Variants in HUS1 observed in about 807,000 individuals in gnomAD.
The protein encoded by HUS1 is HUS1 checkpoint clamp component.
HUS1 carries 31 observed loss-of-function variants against 32.6 expected under a neutral mutation model. That is an observed-to-expected ratio of 0.95 (90% CI 0.72 to 1.28). The LOEUF (loss-of-function observed/expected upper bound fraction) is 1.28, where lower values mean the gene tolerates loss of function less well. Among genes scored for constraint, HUS1 ranks in the 50% most tolerant of loss-of-function variants. The pLI is 0.00. For missense variants in HUS1, 340 were observed against 337.7 expected (o/e 1.01, Z -0.05); for synonymous variants, 123 against 116.6 (o/e 1.06, Z -0.36).
At position 47,971,822 on chromosome 7, in the gene HUS1, T is replaced by G. The variant is rs767483152; in HGVS notation, c.541-2504A>C. ...AGAAGGCACTCTGTCTGCACGGCTC[T>G]GTATCAGTGTTCATGTTTACTGAAT... is the stretch of plus-strand genomic sequence containing the variant. On this transcript the variant is annotated intron_variant, in intron 5 of 7. Coordinates refer to ENST00000258774, the MANE Select transcript of HUS1 (RefSeq NM_004507.4). Among the ~76,000 whole-genome samples the G allele has an allele frequency of 4.6e-5, 7 of 152,346 alleles. 1 individual carries two copies. Among genetic ancestry groups the G allele is most frequent in the Admixed American group, 4.6e-4 (7 of 15,304 alleles).
Position 47,965,199 on chromosome 7 carries a change from T to C in HUS1, c.*157A>G. ...GATATGTTTATCCAACTGTGTGTTG[T>C]TGAATCAACTTTTAGTTAAAATGTT... On this transcript the variant is annotated 3_prime_UTR_variant, in exon 8 of 8. Transcript: ENST00000258774. 1 of 545,094 alleles carries C rather than the reference T, an allele frequency of 1.8e-6. No individual in the cohort carries two copies. Among genetic ancestry groups the C allele is most frequent in the Non-Finnish European group, 3.3e-6 (1 of 300,452 alleles). 33.8% of individuals were successfully genotyped at this position (545,094 alleles called of 1,614,324 possible). A position where few individuals can be genotyped will look rare whatever the true frequency, so the allele number is the denominator to read the frequency against.
rs1471027940 is a variant in HUS1 at position 47,965,362 on chromosome 7, C to A, written c.837G>T (p.Leu279=). The A allele has an allele frequency of 6.2e-7, 1 of 1,610,372 alleles. No homozygotes were observed. Among genetic ancestry groups the A allele is most frequent in the Admixed American group, 1.7e-5 (1 of 60,022 alleles). ...DVSLQYFIPA[L]S is the part of the protein sequence containing the mutation. ...CAACTCCAGCGACAGGGTGCTAGGACAGCGCAGGGATGAAATACTGAAGGG... is the reference window on the plus strand; with the variant it reads ...CAACTCCAGCGACAGGGTGCTAGGAAAGCGCAGGGATGAAATACTGAAGGG... The change falls in exon 8 of 8, where the codon CTG becomes CTT. Residue 279 remains leucine (L), a synonymous_variant. Coordinates refer to ENST00000258774, the MANE Select transcript of HUS1 (RefSeq NM_004507.4).
intron 3 of HUS1, 125 bp downstream of exon 3, chr7:47,978,292 G>T: frequency 1.2e-6 from 1 of 815,402 alleles, no homozygotes; most frequent in Non-Finnish European, 1.9e-6. Context: ...TTATGGACCA[G>T]ATCTTTAAAT....
chr7:47,975,921 C>T (rs1305852442), intron 4 of HUS1, among the ~76,000 whole-genome samples: 1 of 152,182 alleles, frequency 6.6e-6, no homozygotes. Context: ...CTCTGGTTAC[C>T]TCAGCAACCA....
At chr7:47,967,721 C>CTA in intron 7 of HUS1, 85 bp downstream of exon 7, 1 of 881,776 alleles carries the variant, frequency 1.1e-6, no homozygotes, top group Non-Finnish European at 1.6e-6. Context: ...ATTTATGAGA[C>CTA]TATATGCAAT....
At chr7:47,976,419 G>A (rs1327756311) in intron 4 of HUS1, 1 of 473,734 alleles carries the variant, frequency 2.1e-6, no homozygotes, top group South Asian at 1.5e-5. Flanking sequence ...AAAAGATCAA[G>A]TCCTGTGAAA....
chr7:47,970,210 G>A (rs1489059880), intron 5 of HUS1, among the ~76,000 whole-genome samples: 4 of 133,378 alleles, frequency 3.0e-5, no homozygotes, highest in Non-Finnish European at 4.7e-5. Context: ...TCCAGCCTGG[G>A]TGAAAGAGCG....
At chr7:47,971,458 T>TC (rs1245441993) in intron 5 of HUS1, 5 of 456,592 alleles carry the variant, frequency 1.1e-5, no homozygotes, top group Non-Finnish European at 1.8e-5. Context: ...GGGACTCCTT[T>TC]CCTTTGAAGC....
intron 5 of HUS1, among the ~76,000 whole-genome samples, chr7:47,972,359 GA>G (rs1788616344): frequency 6.6e-6 from 1 of 152,170 alleles, no homozygotes; most frequent in Non-Finnish European, 1.5e-5. Flanking sequence ...AAATTCCTAA[GA>G]ATCTCAGTAA....
At chr7:47,965,761 G>T (rs1392214124) in intron 7 of HUS1, among the ~76,000 whole-genome samples, 1 of 152,308 alleles carries the variant, frequency 6.6e-6, no homozygotes, top group East Asian at 1.9e-4. Flanking sequence ...CTCCTCACCA[G>T]TGAGTGGAGG....
chr7:47,969,014 G>T (rs953293058), intron 6 of HUS1: 1 of 516,374 alleles, frequency 1.9e-6, no homozygotes, highest in Non-Finnish European at 3.4e-6. Flanking sequence ...TCAGCTACTT[G>T]GTGGCACAGC....
At position 47,967,836 on chromosome 7, in the gene HUS1, GT is replaced by G; in HGVS notation, c.729del (p.Gln244AsnfsTer3). ...AAGGCCTTTGTGGGATTTACTTGTT[GT>G]CCAGCAAGAAACTGTAGGAGCTTCC... Reference protein sequence around the residue: ...DIRKLLQFLAGQQVNPTKALC... With the variant: ...DIRKLLQFLAXQQVNPTKALC... On this transcript the variant is annotated frameshift_variant, in exon 7 of 8. Transcript: ENST00000258774. LOFTEE classifies it high-confidence loss of function. 1.2e-6 allele frequency: 2 copies of G among 1,613,792 alleles called. No individual in the cohort carries two copies.
At chr7:47,968,993 GC>G in intron 6 of HUS1, 2 of 490,084 alleles carry the variant, frequency 4.1e-6, no homozygotes, top group Non-Finnish European at 7.2e-6. Flanking sequence ...TGGAGACCCT[GC>G]ACAGATCTGT....
Position 47,976,729 on chromosome 7 carries a change from C to A in HUS1, c.465+1G>T. 1 of 1,565,290 alleles carries A rather than the reference C, an allele frequency of 6.4e-7. No individual in the cohort carries two copies. The highest frequency in any genetic ancestry group is 1.1e-5 in the South Asian group (1 of 90,062). On this transcript the variant is annotated splice_donor_variant, in intron 4 of 7. Transcript: ENST00000258774. LOFTEE classifies it high-confidence loss of function. ...ACAGCAGGACTGCAGGCATCACCTA[C>A]ATCAGGATCTGGGACCACCGGTTCT... is the stretch of plus-strand genomic sequence containing the variant.
In HUS1 at chr7:47,979,552, G is replaced by A; in HGVS notation, c.-33C>T. 1.3e-6 allele frequency: 2 copies of A among 1,567,902 alleles called. No homozygotes were observed. The highest frequency in any genetic ancestry group is 1.8e-6 in the Non-Finnish European group (2 of 1,142,368). On this transcript the variant is annotated 5_prime_UTR_variant, in exon 1 of 8. Transcript: ENST00000258774. ...GATGGCGCAGCCGCGGCGGGCCTCT[G>A]TGGGTAACAGAAAAGCGTCGCGCCC...
intron 5 of HUS1, among the ~76,000 whole-genome samples, chr7:47,974,155 G>A (rs1334840201): frequency 6.6e-6 from 1 of 152,226 alleles, no homozygotes; most frequent in Non-Finnish European, 1.5e-5. Flanking sequence ...ATACTTTTGT[G>A]ATTTCAAAGA....
rs1237101888 is a variant in HUS1 at position 47,964,409 on chromosome 7, A to C, written c.*947T>G. The C allele has an allele frequency of 6.6e-6, 1 of 152,264 alleles. No homozygotes were observed. The highest frequency in any genetic ancestry group is 1.5e-5 in the Non-Finnish European group (1 of 68,058). 9.4% of individuals were successfully genotyped at this position (152,264 alleles called of 1,614,324 possible). On this transcript the variant is annotated 3_prime_UTR_variant, in exon 8 of 8. Transcript: ENST00000258774. ...AACAAGAAAACAAAAGATAATGTTT[A>C]TCATGTCCACCTCCACAGGACAATG...
intron 7 of HUS1, among the ~76,000 whole-genome samples, chr7:47,966,106 T>C (rs1294870045): frequency 7.5e-6 from 1 of 133,692 alleles, no homozygotes; most frequent in Admixed American, 7.9e-5. Context: ...AGATGGGAGG[T>C]TGGGGAAAGG....
At position 47,976,957 on chromosome 7, in the gene HUS1, T is replaced by A. The variant is rs906176414; in HGVS notation, c.358-120A>T. 3 of 640,648 alleles carry A rather than the reference T, an allele frequency of 4.7e-6. No homozygotes were observed. In the African/African-American group the frequency reaches 5.5e-5, roughly 12 times the overall value. 39.7% of individuals were successfully genotyped at this position (640,648 alleles called of 1,614,324 possible). ...CAAATCTAAGTGGAATGCTGTCAGT[T>A]TATTCACTCAAAAGCCATTCGACCA... is the stretch of plus-strand genomic sequence containing the variant. On this transcript the variant is annotated intron_variant, in intron 3 of 7. Transcript: ENST00000258774.
Sources: allele counts gnomAD v4.1 joint callset (sites outside exome capture counted in the v4.1 genomes callset), GRCh38; gene constraint gnomAD v4.1.1; transcripts MANE v1.5; gene names NCBI Gene and HGNC (gene_info 2026-07-23, HGNC 2026-07-21).